FAF1: variants seen among roughly 807,000 people sequenced by gnomAD.
The protein encoded by FAF1 is FAS-associated factor 1.
In FAF1, 25 loss-of-function variants were observed where a neutral mutation model predicts 92.5. That is an observed-to-expected ratio of 0.27 (90% CI 0.20 to 0.38). The LOEUF (loss-of-function observed/expected upper bound fraction) is 0.38. FAF1 is among the 10% of genes least tolerant of loss of function. FAF1 has a pLI of 1.00. For missense variants in FAF1, 636 were observed against 793.3 expected, an observed-to-expected ratio of 0.80 and a Z score of 2.38; for synonymous variants, 234 against 273.2, an observed-to-expected ratio of 0.86 and a Z score of 1.42.
chr1:50,701,134 C>T (rs1368436643), intron 7 of FAF1, among the ~76,000 whole-genome samples: 1 of 152,044 alleles, frequency 6.6e-6, no homozygotes, highest in Non-Finnish European at 1.5e-5. Flanking sequence ...AAGAAATTAT[C>T]TCTTTCATTC....
chr1:50,956,009 T>C (rs938573412), intron 1 of FAF1, among the ~76,000 whole-genome samples: 2 of 152,178 alleles, frequency 1.3e-5, no homozygotes, highest in African/African-American at 2.4e-5. Context: ...TAAGGACTTA[T>C]TGTTAAATAA....
intron 12 of FAF1, among the ~76,000 whole-genome samples, chr1:50,569,368 G>C (rs1650323789): frequency 6.6e-6 from 1 of 152,126 alleles, no homozygotes; most frequent in South Asian, 2.1e-4. Context: ...CCTGTTTGAT[G>C]AAAGAAACAA....
chr1:50,954,794 C>T (rs886791535), intron 1 of FAF1, among the ~76,000 whole-genome samples: 2 of 152,124 alleles, frequency 1.3e-5, no homozygotes, highest in African/African-American at 4.8e-5. Flanking sequence ...CCGCCTGCCT[C>T]GGCCTCCCAA....
At chr1:50,908,099 AT>A (rs1331149067) in intron 1 of FAF1, among the ~76,000 whole-genome samples, 2 of 152,194 alleles carry the variant, frequency 1.3e-5, no homozygotes, top group Admixed American at 1.3e-4. Context: ...TTCAAAGAAC[AT>A]CTTTATTTCT....
chr1:50,673,517 T>C (rs1655989665), intron 7 of FAF1, among the ~76,000 whole-genome samples: 1 of 152,156 alleles, frequency 6.6e-6, no homozygotes, highest in South Asian at 2.1e-4. Context: ...ATTCACTCTA[T>C]AGTATGCTCA....
intron 1 of FAF1, among the ~76,000 whole-genome samples, chr1:50,919,612 C>A (rs1312007262): frequency 6.6e-6 from 1 of 151,778 alleles, no homozygotes; most frequent in Non-Finnish European, 1.5e-5. Context: ...CTCAGCCTCC[C>A]GAGTAGCTGG....
intron 12 of FAF1, among the ~76,000 whole-genome samples, chr1:50,570,839 C>T (rs894036467): frequency 2.0e-5 from 3 of 152,180 alleles, no homozygotes; most frequent in Non-Finnish European, 2.9e-5. Flanking sequence ...GATTATCTTA[C>T]TGAGCTCAAT....
chr1:50,856,478 T>C (rs2124664223), intron 2 of FAF1, among the ~76,000 whole-genome samples: 1 of 151,936 alleles, frequency 6.6e-6, no homozygotes, highest in East Asian at 1.9e-4. Flanking sequence ...AAAGCATGAA[T>C]TTAGAGTCAA....
chr1:50,477,132 T>C (rs1220535161), intron 17 of FAF1, among the ~76,000 whole-genome samples: 1 of 152,242 alleles, frequency 6.6e-6, no homozygotes, highest in African/African-American at 2.4e-5. Flanking sequence ...TTTGGTTGGT[T>C]CTAATACTGA....
chr1:50,586,863 T>A (rs565361917), intron 9 of FAF1, among the ~76,000 whole-genome samples: 1 of 152,204 alleles, frequency 6.6e-6, no homozygotes, highest in East Asian at 1.9e-4. Context: ...TAGTCTTAAA[T>A]AGGTAAAGGC....
chr1:50,524,871 C>CT (rs922897590), intron 15 of FAF1, among the ~76,000 whole-genome samples: 103 of 151,552 alleles, frequency 6.8e-4, no homozygotes, highest in African/African-American at 2.4e-3. Flanking sequence ...TATTCAGGCT[C>CT]TTTTTTTTGG....
chr1:50,890,711 G>A (rs1025234236), intron 1 of FAF1, among the ~76,000 whole-genome samples: 17 of 152,160 alleles, frequency 1.1e-4, no homozygotes, highest in Admixed American at 5.2e-4. Context: ...CTGGCTTGTA[G>A]AGTTTCTGTC....
chr1:50,836,445 T>C (rs575101362), intron 2 of FAF1, among the ~76,000 whole-genome samples: 2 of 152,298 alleles, frequency 1.3e-5, no homozygotes, highest in East Asian at 3.9e-4. Context: ...CTCTTACAAA[T>C]GGTAATGTTA....
At chr1:50,825,488 T>G (rs1644088150) in intron 2 of FAF1, among the ~76,000 whole-genome samples, 1 of 151,884 alleles carries the variant, frequency 6.6e-6, no homozygotes, top group Admixed American at 6.6e-5. Context: ...ACCCAGAATA[T>G]GTATCATCTC....
chr1:50,673,962 T>G (rs1656005424), intron 7 of FAF1, among the ~76,000 whole-genome samples: 1 of 152,088 alleles, frequency 6.6e-6, no homozygotes, highest in East Asian at 1.9e-4. Flanking sequence ...GAGGCTTTTT[T>G]TTTTTTGACA....
intron 2 of FAF1, among the ~76,000 whole-genome samples, chr1:50,833,704 G>A (rs139428992): frequency 6.6e-6 from 1 of 152,020 alleles, no homozygotes; most frequent in African/African-American, 2.4e-5. Context: ...CCCACCAAGA[G>A]TAGACTCATT....
In FAF1 at chr1:50,630,015, G is replaced by A. The variant is rs148322079; in HGVS notation, c.744+25427C>T. ...GGAGGTTGCAGTGAGCCGAGATCAC[G>A]CCACTGCACTCCAGCCTGGCGACAG... is the stretch of plus-strand genomic sequence containing the variant. On this transcript the variant is annotated intron_variant, in intron 8 of 18. Coordinates refer to ENST00000396153, the MANE Select transcript of FAF1 (RefSeq NM_007051.3). Among the ~76,000 whole-genome samples, 32 of 151,900 alleles carry A rather than the reference G, an allele frequency of 2.1e-4. No homozygotes were observed. In the South Asian group the frequency reaches 4.6e-3, roughly 22 times the overall value.
At chr1:50,452,979 C>T (rs892034771) in intron 18 of FAF1, among the ~76,000 whole-genome samples, 2 of 152,188 alleles carry the variant, frequency 1.3e-5, no homozygotes, top group African/African-American at 4.8e-5. Context: ...GAGAGTTGAA[C>T]AAAATGTCTG....
At chr1:50,568,601 C>T (rs1650278068) in intron 12 of FAF1, among the ~76,000 whole-genome samples, 1 of 152,062 alleles carries the variant, frequency 6.6e-6, no homozygotes, top group Non-Finnish European at 1.5e-5. Flanking sequence ...CTTTAATTTC[C>T]AGAATAAATC....
Sources: gnomAD v4.1 joint callset for allele counts (sites outside exome capture counted in the v4.1 genomes callset) on GRCh38, gnomAD v4.1.1 for gene constraint, MANE v1.5 for transcripts, NCBI Gene and HGNC (gene_info 2026-07-23, HGNC 2026-07-21) for gene names.